Variants in SWAP70 observed in about 807,000 individuals in gnomAD.
SWAP70 encodes switch-associated protein 70.
Under a neutral mutation model 80.2 loss-of-function variants are expected in SWAP70, and 34 were observed. The ratio of observed to expected loss-of-function variants is 0.42; its 90% CI spans 0.32 to 0.56. The LOEUF (loss-of-function observed/expected upper bound fraction) is 0.56. Ranked by LOEUF, SWAP70 falls within the 20% of genes least tolerant of loss-of-function variation. The probability of loss-of-function intolerance (pLI) is 0.09; values close to 1 mark genes in which losing one functional copy is unlikely to be tolerated. For missense variants in SWAP70, 578 were observed against 690.7 expected, an observed-to-expected ratio of 0.84 and a Z score of 1.83; for synonymous variants, 239 against 238.5, an observed-to-expected ratio of 1.00 and a Z score of -0.02.
intron 1 of SWAP70, among the ~76,000 whole-genome samples, chr11:9,676,088 C>T (rs1850497084): frequency 6.6e-6 from 1 of 152,188 alleles, no homozygotes; most frequent in Admixed American, 6.5e-5. Context: ...AGTGGGGAAA[C>T]AGACTTCCAG....
intron 8 of SWAP70, among the ~76,000 whole-genome samples, chr11:9,739,569 T>C (rs1851408783): frequency 6.6e-6 from 1 of 152,232 alleles, no homozygotes; most frequent in African/African-American, 2.4e-5. Flanking sequence ...ATTTAGGATG[T>C]TCTTGTCTTG....
At position 9,713,556 on chromosome 11, in the gene SWAP70, A is replaced by G; in HGVS notation, c.331A>G (p.Thr111Ala). 2 of 1,614,078 alleles carry G rather than the reference A, an allele frequency of 1.2e-6. No individual in the cohort carries two copies. Among genetic ancestry groups the G allele is most frequent in the South Asian group, 1.1e-5 (1 of 91,088 alleles). The change falls in exon 3 of 12, where the codon ACA becomes GCA. Residue 111 changes from threonine (T) to alanine (A), a missense_variant. Transcript: ENST00000318950. Reference sequence around the variant, plus strand: ...CCTCACAAAGAATCCCCTGCTCATTACAGAAGAAGATGCATTTAAAATATG... The same window carrying G: ...CCTCACAAAGAATCCCCTGCTCATTGCAGAAGAAGATGCATTTAAAATATG... The part of the protein sequence containing the change: ...KNLTKNPLLI[T>A]EEDAFKIWVI...
chr11:9,727,858 A>C (rs1851245743), intron 4 of SWAP70, among the ~76,000 whole-genome samples, 195 bp from the exon 5 acceptor site: 1 of 152,202 alleles, frequency 6.6e-6, no homozygotes. Flanking sequence ...AATTATATGC[A>C]AATTTTTGTC....
chr11:9,666,387 A>G (rs1312216716), intron 1 of SWAP70, among the ~76,000 whole-genome samples: 1 of 152,052 alleles, frequency 6.6e-6, no homozygotes, highest in African/African-American at 2.4e-5. Context: ...TGCCTGGCCA[A>G]TATTTCATTT....
At chr11:9,694,430 G>C (rs1850730657) in intron 2 of SWAP70, 144 bp downstream of exon 2, 2 of 960,626 alleles carry the variant, frequency 2.1e-6, no homozygotes, top group Non-Finnish European at 1.5e-6. Flanking sequence ...AAGAATGAGA[G>C]ACTGACAGTG....
At chr11:9,731,962 G>A (rs997447205) in intron 6 of SWAP70, among the ~76,000 whole-genome samples, 2 of 152,316 alleles carry the variant, frequency 1.3e-5, no homozygotes, top group East Asian at 1.9e-4. Flanking sequence ...ATAACAGTTA[G>A]ATAATGCATG....
intron 9 of SWAP70, among the ~76,000 whole-genome samples, chr11:9,744,762 G>A (rs981404465): frequency 3.9e-5 from 6 of 152,100 alleles, no homozygotes; most frequent in African/African-American, 1.2e-4. Context: ...ACAAAAATTA[G>A]CTGGGCGTGG....
At chr11:9,672,702 T>C (rs998818564) in intron 1 of SWAP70, among the ~76,000 whole-genome samples, 1 of 152,076 alleles carries the variant, frequency 6.6e-6, no homozygotes, top group Non-Finnish European at 1.5e-5. Flanking sequence ...CTTTGTAGAA[T>C]GGTATTCGTT....
chr11:9,694,359 G>C (rs1850729952), intron 2 of SWAP70, 73 bp downstream of exon 2: 2 of 1,472,266 alleles, frequency 1.4e-6, no homozygotes, highest in Non-Finnish European at 1.8e-6. Context: ...AAAGCCCCCT[G>C]TTGGTGAGTT....
At chr11:9,705,235 T>A (rs935148367) in intron 2 of SWAP70, among the ~76,000 whole-genome samples, 1 of 135,866 alleles carries the variant, frequency 7.4e-6, no homozygotes, top group Non-Finnish European at 1.5e-5. Context: ...ACTGGTGATA[T>A]GTATATACTT....
rs565848288 is a variant in SWAP70 at position 9,668,463 on chromosome 11, G to A, written c.99+4185G>A. ...AGTTCTGTTCATCTTGCCAGTGTTC[G>A]TAGAATTGAAAATATTTAAACATTT... is the stretch of plus-strand genomic sequence containing the variant. On this transcript the variant is annotated intron_variant, in intron 1 of 11. Coordinates refer to ENST00000318950, the MANE Select transcript of SWAP70 (RefSeq NM_015055.4). Among the ~76,000 whole-genome samples the A allele has an allele frequency of 2.0e-5, 3 of 152,274 alleles. No individual in the cohort carries two copies. The South Asian group carries it at 6.2e-4, about 32-fold the overall frequency.
chr11:9,688,685 G>T (rs923962418), intron 1 of SWAP70, among the ~76,000 whole-genome samples: 1 of 152,140 alleles, frequency 6.6e-6, no homozygotes, highest in Admixed American at 6.5e-5. Flanking sequence ...AAGATTTGGT[G>T]TAAGTGTCTA....
chr11:9,671,776 T>TA (rs376048683), intron 1 of SWAP70, among the ~76,000 whole-genome samples: 4 of 28,580 alleles, frequency 1.4e-4, no homozygotes, highest in Admixed American at 7.3e-4. Flanking sequence ...AATATAAATA[T>TA]AATATATTAT....
At chr11:9,707,586 C>T (rs1850933463) in intron 2 of SWAP70, among the ~76,000 whole-genome samples, 1 of 145,066 alleles carries the variant, frequency 6.9e-6, no homozygotes, top group African/African-American at 2.6e-5. Context: ...GACAGAGTCT[C>T]ACCCTGTCGC....
At chr11:9,689,510 C>T (rs1409014516) in intron 1 of SWAP70, among the ~76,000 whole-genome samples, 1 of 152,226 alleles carries the variant, frequency 6.6e-6, no homozygotes, top group Non-Finnish European at 1.5e-5. Context: ...AGCTGCTTAG[C>T]AATTATGTGG....
intron 9 of SWAP70, among the ~76,000 whole-genome samples, chr11:9,746,858 T>A (rs1392800760): frequency 2.0e-5 from 3 of 152,256 alleles, no homozygotes; most frequent in African/African-American, 7.2e-5. Context: ...CTGAGTTGAA[T>A]AACAACCTTG....
rs186604071 is a variant in SWAP70, at chr11:9,692,462, T to G, written c.100-1684T>G. On this transcript the variant is annotated intron_variant, in intron 1 of 11. Coordinates refer to ENST00000318950, the MANE Select transcript of SWAP70 (RefSeq NM_015055.4). ...GCATACATATTCTTAGGTACCTTGT[T>G]TTTTTCACTTAATTTATGTTGGAGA... Among the ~76,000 whole-genome samples, 5 of 151,976 alleles carry G rather than the reference T, an allele frequency of 3.3e-5. No individual in the cohort carries two copies. The East Asian group carries it at 9.6e-4, about 29-fold the overall frequency.
intron 1 of SWAP70, among the ~76,000 whole-genome samples, chr11:9,690,305 G>A (rs1030139377): frequency 6.6e-5 from 10 of 152,166 alleles, no homozygotes; most frequent in African/African-American, 1.9e-4. Flanking sequence ...ACCTTGGTAA[G>A]GTGTAGTCGT....
At chr11:9,718,148 A>G (rs557781959) in intron 3 of SWAP70, among the ~76,000 whole-genome samples, 1 of 152,352 alleles carries the variant, frequency 6.6e-6, no homozygotes, top group East Asian at 1.9e-4. Flanking sequence ...AGTTAATCTC[A>G]TTTGAGAAGT....
Sources: allele counts gnomAD v4.1 joint callset (sites outside exome capture counted in the v4.1 genomes callset), GRCh38; gene constraint gnomAD v4.1.1; transcripts MANE v1.5; gene names NCBI Gene and HGNC (gene_info 2026-07-23, HGNC 2026-07-21).